The following ATP8A2 variants were observed in gnomAD, a reference collection of about 807,000 sequenced individuals.
ATP8A2 encodes phospholipid-transporting ATPase IB.
Under a neutral mutation model 165.6 loss-of-function variants are expected in ATP8A2, and 100 were observed. That is an observed-to-expected ratio of 0.60 (90% CI 0.51 to 0.71). The LOEUF (loss-of-function observed/expected upper bound fraction) is 0.71. Ranked by LOEUF, ATP8A2 falls within the 30% of genes least tolerant of loss-of-function variation. The pLI is 0.00. For synonymous variants in ATP8A2, 543 were observed against 548.8 expected (o/e 0.99, Z 0.15); for missense variants, 1,227 against 1,479.5 (o/e 0.83, Z 2.80).
intron 10 of ATP8A2, among the ~76,000 whole-genome samples, chr13:25,544,220 A>G (rs888265912): frequency 6.6e-6 from 1 of 152,244 alleles, no homozygotes; most frequent in African/African-American, 2.4e-5. Context: ...GTAATATAGA[A>G]TGACAAAGTA....
At chr13:25,829,437 A>C (rs1270215151) in intron 28 of ATP8A2, among the ~76,000 whole-genome samples, 2 of 151,884 alleles carry the variant, frequency 1.3e-5, no homozygotes, top group Non-Finnish European at 2.9e-5. Flanking sequence ...TTGTGTACTA[A>C]GGGGAGATCA....
At chr13:25,456,842 T>G (rs991217225) in intron 1 of ATP8A2, among the ~76,000 whole-genome samples, 22 of 152,180 alleles carry the variant, frequency 1.4e-4, no homozygotes, top group Non-Finnish European at 3.1e-4. Flanking sequence ...CCTCCTTGAC[T>G]TACTGAATTC....
At chr13:25,979,661 C>CATTT (rs980686687) in intron 35 of ATP8A2, among the ~76,000 whole-genome samples, 4 of 152,172 alleles carry the variant, frequency 2.6e-5, no homozygotes, top group Non-Finnish European at 4.4e-5. Flanking sequence ...ACGCAACAGA[C>CATTT]ATTTATTAAA....
At chr13:25,418,694 A>C (rs1593280399) in intron 1 of ATP8A2, among the ~76,000 whole-genome samples, 1 of 152,348 alleles carries the variant, frequency 6.6e-6, no homozygotes, top group Non-Finnish European at 1.5e-5. Context: ...GCATGTCTAC[A>C]GACAAGGATG....
chr13:26,009,491 G>C (rs2139347269), intron 35 of ATP8A2, among the ~76,000 whole-genome samples: 1 of 152,320 alleles, frequency 6.6e-6, no homozygotes, highest in South Asian at 2.1e-4. Context: ...CATGCAAAAA[G>C]CACCCCTTGG....
Position 25,385,039 on chromosome 13 carries a change from G to A in ATP8A2, c.76+12751G>A, listed in dbSNP as rs113867022. The stretch of plus-strand genomic sequence containing the variant: ...GCAGCTCCATGTTCCATAAACAGTG[G>A]GGAAGCCGTCTCCAAAGGGCTTTAG... On this transcript the variant is annotated intron_variant, in intron 1 of 36. Transcript: ENST00000381655. Among the ~76,000 whole-genome samples the A allele has an allele frequency of 7.0e-4, 106 of 152,310 alleles. 1 individual carries two copies. The highest frequency in any genetic ancestry group is 2.3e-3 in the African/African-American group (95 of 41,558).
chr13:25,971,156 G>A (rs987988842), intron 35 of ATP8A2, among the ~76,000 whole-genome samples: 2 of 151,742 alleles, frequency 1.3e-5, no homozygotes, highest in Non-Finnish European at 2.9e-5. Context: ...GGGCTCTGCC[G>A]CTCATCCTCC....
intron 1 of ATP8A2, among the ~76,000 whole-genome samples, chr13:25,382,143 CA>C (rs1182592591): frequency 1.3e-5 from 2 of 152,184 alleles, no homozygotes; most frequent in African/African-American, 2.4e-5. Context: ...TCCATAGTTA[CA>C]GTTTTGCTCT....
intron 25 of ATP8A2, among the ~76,000 whole-genome samples, chr13:25,727,413 G>A (rs976487124): frequency 6.6e-6 from 1 of 152,094 alleles, no homozygotes; most frequent in Non-Finnish European, 1.5e-5. Flanking sequence ...TTTTGTCAAC[G>A]CCAAGGGAGC....
rs941922195 is a variant in ATP8A2 at position 25,762,599 on chromosome 13, T to C, written c.2385-6447T>C. On this transcript the variant is annotated intron_variant, in intron 25 of 36. Transcript: ENST00000381655. The stretch of plus-strand genomic sequence containing the variant: ...ATAGTTTTGTTTAAATAGAACTGTA[T>C]TTTTTTTCTATTACGCTTAATTATG... 3.3e-5 allele frequency among the ~76,000 whole-genome samples: 5 copies of C among 152,150 alleles called. No individual in the cohort carries two copies. In the South Asian group the frequency reaches 1.0e-3, roughly 32 times the overall value.
chr13:25,543,009 G>A (rs762537362), intron 9 of ATP8A2, among the ~76,000 whole-genome samples: 14 of 151,952 alleles, frequency 9.2e-5, no homozygotes, highest in African/African-American at 2.2e-4. Context: ...TCCTTTCTGG[G>A]TATTGAGTTT....
chr13:25,931,062 G>A lies in ATP8A2; in HGVS notation c.3184-30513G>A, dbSNP rs9581480. Among the ~76,000 whole-genome samples, 1,147 of 152,220 alleles carry A rather than the reference G, an allele frequency of 7.5e-3. 13 individuals carry two copies. The highest frequency in any genetic ancestry group is 0.024 in the African/African-American group (998 of 41,526). On this transcript the variant is annotated intron_variant, in intron 33 of 36. Coordinates refer to ENST00000381655, the MANE Select transcript of ATP8A2 (RefSeq NM_016529.6). ...CCTCCCTTGTTCTTCCACAGTACAG[G>A]GTGAGCCTCCCTAATGTGAAAATCC...
chr13:25,835,182 A>G (rs1195888829), intron 28 of ATP8A2, among the ~76,000 whole-genome samples: 1 of 152,144 alleles, frequency 6.6e-6, no homozygotes. Flanking sequence ...ATGCAGAGCA[A>G]TGGAGGTGAG....
chr13:25,959,594 A>G (rs1375741780), intron 33 of ATP8A2, among the ~76,000 whole-genome samples: 2 of 152,244 alleles, frequency 1.3e-5, no homozygotes, highest in Non-Finnish European at 2.9e-5. Flanking sequence ...AGCTTGGGCC[A>G]GTGGTGCTTC....
At chr13:25,557,102 A>C (rs1371351732) in intron 13 of ATP8A2, among the ~76,000 whole-genome samples, 1 of 151,322 alleles carries the variant, frequency 6.6e-6, no homozygotes, top group Non-Finnish European at 1.5e-5. Flanking sequence ...CTTTGTAGAC[A>C]AAAAAAAGCA....
chr13:25,478,691 T>A (rs545619830), intron 2 of ATP8A2, among the ~76,000 whole-genome samples: 1 of 152,326 alleles, frequency 6.6e-6, no homozygotes, highest in Non-Finnish European at 1.5e-5. Context: ...CTATGTATCT[T>A]CAGTCTACGT....
intron 28 of ATP8A2, among the ~76,000 whole-genome samples, chr13:25,836,166 T>G (rs976570055): frequency 2.0e-5 from 3 of 150,518 alleles, no homozygotes; most frequent in African/African-American, 4.9e-5. Context: ...ATCTCCTGTT[T>G]TTTGTTTGTT....
At position 25,497,962 on chromosome 13, in the gene ATP8A2, A is replaced by AAAT. The variant is rs532053837; in HGVS notation, c.221+28862_221+28864dup. Among the ~76,000 whole-genome samples the AAAT allele has an allele frequency of 4.8e-3, 733 of 151,546 alleles. 4 individuals carry two copies. The highest frequency in any genetic ancestry group is 0.016 in the East Asian group (83 of 5,152). Reference sequence around the variant, plus strand: ...GGGCAACCGAGAGAGATTCCGTCTCAAATAATAATAATAATAATAATAAAA... The same window carrying AAAT: ...GGGCAACCGAGAGAGATTCCGTCTCAAATAATAATAATAATAATAATAATAAAA... On this transcript the variant is annotated intron_variant, in intron 2 of 36. Coordinates refer to ENST00000381655, the MANE Select transcript of ATP8A2 (RefSeq NM_016529.6).
intron 25 of ATP8A2, among the ~76,000 whole-genome samples, chr13:25,758,839 T>A (rs577436741): frequency 0.022 from 3,420 of 152,340 alleles, 58 homozygotes; most frequent in South Asian, 0.068. Flanking sequence ...AGCATTATTA[T>A]TTCCCGCTAT....
Sources: allele counts gnomAD v4.1 joint callset (sites outside exome capture counted in the v4.1 genomes callset), GRCh38; gene constraint gnomAD v4.1.1; transcripts MANE v1.5; gene names NCBI Gene and HGNC (gene_info 2026-07-23, HGNC 2026-07-21).